KIF6: variants seen among roughly 807,000 people sequenced by gnomAD.
KIF6 encodes the protein kinesin family member 6.
In KIF6, 106 loss-of-function variants were observed where a neutral mutation model predicts 112.7. That is an observed-to-expected ratio of 0.94 (90% CI 0.80 to 1.11). The LOEUF is 1.11. Ranked by LOEUF, KIF6 falls within the 50% of genes least tolerant of loss-of-function variation. The pLI, the probability that KIF6 is intolerant of heterozygous loss-of-function variation, is 0.00. For synonymous variants in KIF6, 339 were observed against 339.9 expected (o/e 1.00, Z 0.03); for missense variants, 929 against 964.0 (o/e 0.96, Z 0.48).
chr6:39,613,269 A>G lies in KIF6; in HGVS notation c.559T>C (p.Leu187=). 1 of 1,608,690 alleles carries G rather than the reference A, an allele frequency of 6.2e-7. No homozygotes were observed. Among genetic ancestry groups the G allele is most frequent in the Non-Finnish European group, 8.5e-7 (1 of 1,177,448 alleles). ...DPDQNIHLKN[L]TLHQATTEEE... ...TCTGTGGTTGCCTGATGGAGAGTCA[A>G]GTTTTTCAGGTGAATGTTCTGATCA... is the stretch of plus-strand genomic sequence containing the variant. The change falls in exon 6 of 23, where the codon TTG becomes CTG. Residue 187 remains leucine (L), a synonymous_variant. Transcript: ENST00000287152.
At chr6:39,439,564 T>G (rs1052809846) in intron 13 of KIF6, among the ~76,000 whole-genome samples, 1 of 152,186 alleles carries the variant, frequency 6.6e-6, no homozygotes, top group Non-Finnish European at 1.5e-5. Context: ...TTCTGAACTT[T>G]GATAGTGGTC....
rs138415957 is a variant in KIF6, at chr6:39,533,228, G to A, written c.1645+6775C>T. On this transcript the variant is annotated intron_variant, in intron 13 of 22. Transcript: ENST00000287152. ...CAAGGCATTGCCTCACTCGGGAAGC[G>A]CAAGGGGTCAGGGAGTTCCCTTTCC... Among the ~76,000 whole-genome samples, 34 of 152,348 alleles carry A rather than the reference G, an allele frequency of 2.2e-4. 1 individual carries two copies. The South Asian group carries it at 5.2e-3, about 23-fold the overall frequency.
chr6:39,415,861 T>C (rs765368592), intron 15 of KIF6, among the ~76,000 whole-genome samples: 1 of 151,200 alleles, frequency 6.6e-6, no homozygotes, highest in Non-Finnish European at 1.5e-5. Flanking sequence ...GGTTGGGGGG[T>C]TCTTTGAATT....
intron 13 of KIF6, among the ~76,000 whole-genome samples, chr6:39,452,197 C>T (rs1187235415): frequency 6.6e-6 from 1 of 150,756 alleles, no homozygotes; most frequent in Admixed American, 6.6e-5. Flanking sequence ...CCCAATTGCC[C>T]TCATCTGTTA....
chr6:39,355,881 G>A (rs372555105), intron 19 of KIF6, among the ~76,000 whole-genome samples: 1 of 151,786 alleles, frequency 6.6e-6, no homozygotes, highest in African/African-American at 2.4e-5. Context: ...TTCCCCTATC[G>A]GGCAGTTTTA....
At chr6:39,444,552 T>C (rs767662987) in intron 13 of KIF6, among the ~76,000 whole-genome samples, 11 of 152,194 alleles carry the variant, frequency 7.2e-5, no homozygotes, top group Non-Finnish European at 1.6e-4. Context: ...AGATCTCTTT[T>C]AGCAAATATC....
At chr6:39,487,131 TA>T (rs1329196035) in intron 13 of KIF6, among the ~76,000 whole-genome samples, 1 of 152,218 alleles carries the variant, frequency 6.6e-6, no homozygotes, top group African/African-American at 2.4e-5. Flanking sequence ...AAAATAGTAA[TA>T]AATAAAAATA....
intron 14 of KIF6, among the ~76,000 whole-genome samples, chr6:39,426,527 G>A (rs780933000): frequency 5.9e-5 from 9 of 152,180 alleles, no homozygotes; most frequent in Non-Finnish European, 8.8e-5. Context: ...AGGGAGGGGG[G>A]AGGATCATTT....
intron 7 of KIF6, among the ~76,000 whole-genome samples, chr6:39,588,793 T>C (rs1227459815): frequency 6.6e-6 from 1 of 152,230 alleles, no homozygotes; most frequent in Non-Finnish European, 1.5e-5. Flanking sequence ...CAGCAATTTC[T>C]ATTAGGTTTA....
At chr6:39,603,061 A>G (rs1461576248) in intron 6 of KIF6, among the ~76,000 whole-genome samples, 1 of 152,176 alleles carries the variant, frequency 6.6e-6, no homozygotes, top group African/African-American at 2.4e-5. Flanking sequence ...AACATTGTTT[A>G]AATAGTGTTA....
intron 13 of KIF6, among the ~76,000 whole-genome samples, chr6:39,516,115 A>C (rs1410559097): frequency 1.3e-5 from 2 of 152,124 alleles, no homozygotes; most frequent in African/African-American, 2.4e-5. Flanking sequence ...CCAAAATCTG[A>C]AACACTTCTG....
At chr6:39,483,971 T>G (rs939516815) in intron 13 of KIF6, among the ~76,000 whole-genome samples, 1 of 152,202 alleles carries the variant, frequency 6.6e-6, no homozygotes, top group Non-Finnish European at 1.5e-5. Context: ...CTTCAATTCA[T>G]AAAGAGTGGG....
rs891034086 is a variant in KIF6, at chr6:39,660,479, C to T, written c.252-20722G>A. ...TCTAGTTGTGTTGTCAATGTCCCTTCGGAGGTTTTGAAGTTATAGCTTGCT... is the reference window on the plus strand; with the variant it reads ...TCTAGTTGTGTTGTCAATGTCCCTTTGGAGGTTTTGAAGTTATAGCTTGCT... On this transcript the variant is annotated intron_variant, in intron 3 of 22. Transcript: ENST00000287152. Among the ~76,000 whole-genome samples, 9 of 152,244 alleles carry T rather than the reference C, an allele frequency of 5.9e-5. No homozygotes were observed. In the South Asian group the frequency reaches 1.7e-3, roughly 28 times the overall value.
intron 13 of KIF6, among the ~76,000 whole-genome samples, chr6:39,483,293 A>G (rs9394599): frequency 0.09 from 13,746 of 152,196 alleles, 866 homozygotes; most frequent in East Asian, 0.25. Context: ...ATCCAGAATC[A>G]ATGGTGCCTG....
chr6:39,672,713 A>G (rs1485873813), intron 3 of KIF6, among the ~76,000 whole-genome samples: 1 of 152,186 alleles, frequency 6.6e-6, no homozygotes, highest in African/African-American at 2.4e-5. Context: ...GCATCCTCAC[A>G]TGAAAGAGAG....
intron 19 of KIF6, among the ~76,000 whole-genome samples, chr6:39,349,895 T>C (rs1261299233): frequency 1.3e-5 from 2 of 152,236 alleles, no homozygotes; most frequent in East Asian, 3.9e-4. Context: ...TCCACCCACC[T>C]TGGCCTCCCA....
intron 3 of KIF6, among the ~76,000 whole-genome samples, chr6:39,710,821 A>G (rs1430730248): frequency 6.6e-6 from 1 of 152,094 alleles, no homozygotes; most frequent in East Asian, 1.9e-4. Context: ...GGATCGCCTG[A>G]GCCCAGGAGT....
rs1481333003 is a variant in KIF6, at chr6:39,584,417, T to TACAAAAAAAAAAAAAAAAA, written c.1077+480_1077+481insTTTTTTTTTTTTTTTTTGT. 3.5e-4 allele frequency among the ~76,000 whole-genome samples: 16 copies of TACAAAAAAAAAAAAAAAAA among 46,058 alleles called. 4 individuals carry two copies. The highest frequency in any genetic ancestry group is 2.0e-3 in the South Asian group (2 of 996). 30.2% of individuals were successfully genotyped at this position (46,058 alleles called of 152,430 possible). A position where few individuals can be genotyped will look rare whatever the true frequency, so the allele number is the denominator to read the frequency against. ...TCCAGCCTGAGCAAGACTCTGTCTCTAAAAAAAAAAAAAAAAAAAAAAAAA... is the reference window on the plus strand; with the variant it reads ...TCCAGCCTGAGCAAGACTCTGTCTCTACAAAAAAAAAAAAAAAAAAAAAAAAAAAAAAAAAAAAAAAAAA... On this transcript the variant is annotated intron_variant, in intron 9 of 22. Coordinates refer to ENST00000287152, the MANE Select transcript of KIF6 (RefSeq NM_145027.6).
chr6:39,675,050 T>C (rs1787051834), intron 3 of KIF6, among the ~76,000 whole-genome samples: 1 of 152,024 alleles, frequency 6.6e-6, no homozygotes, highest in Non-Finnish European at 1.5e-5. Context: ...TTAGAGATTC[T>C]GGATAAAATA....
Sources: allele counts gnomAD v4.1 joint callset (sites outside exome capture counted in the v4.1 genomes callset), GRCh38; gene constraint gnomAD v4.1.1; transcripts MANE v1.5; gene names NCBI Gene and HGNC (gene_info 2026-07-23, HGNC 2026-07-21).